The following SLC25A13 variants were observed in gnomAD, a reference collection of about 807,000 sequenced individuals.
The protein encoded by SLC25A13 is electrogenic aspartate/glutamate antiporter SLC25A13, mitochondrial.
Under a neutral mutation model 85.5 loss-of-function variants are expected in SLC25A13, and 70 were observed. That is an observed-to-expected ratio of 0.82 (90% CI 0.68 to 1.00). SLC25A13 has a LOEUF of 1.00. Among genes scored for constraint, SLC25A13 ranks in the 50% least tolerant of loss-of-function variants. The pLI is 0.00. For synonymous variants in SLC25A13, 259 were observed against 288.7 expected, an observed-to-expected ratio of 0.90 and a Z score of 1.04; for missense variants, 765 against 819.8, an observed-to-expected ratio of 0.93 and a Z score of 0.82.
At chr7:96,273,533 C>T (rs191866365) in intron 3 of SLC25A13, among the ~76,000 whole-genome samples, 1 of 152,228 alleles carries the variant, frequency 6.6e-6, no homozygotes, top group Non-Finnish European at 1.5e-5. Flanking sequence ...AAGATAAATG[C>T]TGAAATATTG....
intron 5 of SLC25A13, among the ~76,000 whole-genome samples, chr7:96,197,383 G>C (rs1399760741): frequency 6.6e-6 from 1 of 152,138 alleles, no homozygotes; most frequent in African/African-American, 2.4e-5. Context: ...CCAAGGAGGA[G>C]AGAAACCAAA....
At chr7:96,161,532 T>C (rs207468307) in intron 13 of SLC25A13, among the ~76,000 whole-genome samples, 4 of 152,226 alleles carry the variant, frequency 2.6e-5, no homozygotes, top group Non-Finnish European at 5.9e-5. Flanking sequence ...GACACAATGC[T>C]AGACACACAG....
At chr7:96,158,104 T>C (rs1482969355) in intron 13 of SLC25A13, among the ~76,000 whole-genome samples, 1 of 152,208 alleles carries the variant, frequency 6.6e-6, no homozygotes, top group African/African-American at 2.4e-5. Flanking sequence ...CAGTTCATAT[T>C]TCCCCATGAT....
chr7:96,270,074 A>G (rs540881155), intron 3 of SLC25A13, among the ~76,000 whole-genome samples: 1 of 152,356 alleles, frequency 6.6e-6, no homozygotes, highest in East Asian at 1.9e-4. Context: ...ACTATACTTA[A>G]TAATCATATA....
chr7:96,281,316 G>A (rs560128837), intron 2 of SLC25A13, among the ~76,000 whole-genome samples: 4 of 151,276 alleles, frequency 2.6e-5, no homozygotes, highest in African/African-American at 9.7e-5. Flanking sequence ...GCTTGAACCC[G>A]GGAGGCAGAA....
chr7:96,180,681 G>A (rs1794387346), intron 11 of SLC25A13, among the ~76,000 whole-genome samples: 1 of 152,206 alleles, frequency 6.6e-6, no homozygotes, highest in Admixed American at 6.5e-5. Context: ...ACATTTTCCA[G>A]TGTCTAAGGC....
At chr7:96,245,568 T>C (rs1240492983) in intron 3 of SLC25A13, among the ~76,000 whole-genome samples, 2 of 152,242 alleles carry the variant, frequency 1.3e-5, no homozygotes, top group Non-Finnish European at 2.9e-5. Flanking sequence ...CTTATTATAC[T>C]ACATTGTTCC....
At chr7:96,277,544 GT>G (rs1798506412) in intron 2 of SLC25A13, among the ~76,000 whole-genome samples, 1 of 152,090 alleles carries the variant, frequency 6.6e-6, no homozygotes, top group African/African-American at 2.4e-5. Flanking sequence ...TGGGAGCAAT[GT>G]TTTCCCACAG....
Position 96,121,907 on chromosome 7 carries a change from C to T in SLC25A13, c.1682G>A (p.Gly561Glu). 1 of 1,614,172 alleles carries T rather than the reference C, an allele frequency of 6.2e-7. No homozygotes were observed. Among genetic ancestry groups the T allele is most frequent in the Non-Finnish European group, 8.5e-7 (1 of 1,180,024 alleles). ...TATCTTTCTAAAGCAGTCTATCACT[C>T]CGCTGTAAGTGGTTTGGCCAGCCCG... is the stretch of plus-strand genomic sequence containing the variant. ...AARAGQTTYSGVIDCFRKILR... is the reference protein window; with the variant it reads ...AARAGQTTYSEVIDCFRKILR... Residue 561 changes from glycine to glutamate, a missense_variant, in exon 16 of 18, where the codon GGA becomes GAA. Coordinates refer to ENST00000265631, the MANE Select transcript of SLC25A13 (RefSeq NM_014251.3).
intron 1 of SLC25A13, among the ~76,000 whole-genome samples, chr7:96,319,640 T>C (rs1007339169): frequency 6.6e-6 from 1 of 151,778 alleles, no homozygotes; most frequent in Non-Finnish European, 1.5e-5. Context: ...TTGCTTTGGC[T>C]GGGAGAAAAT....
intron 3 of SLC25A13, among the ~76,000 whole-genome samples, chr7:96,271,778 T>C (rs1798247487): frequency 6.6e-6 from 1 of 152,090 alleles, no homozygotes; most frequent in African/African-American, 2.4e-5. Flanking sequence ...GGATATTATA[T>C]GTTTAAAAAA....
At chr7:96,279,352 C>T (rs899798263) in intron 2 of SLC25A13, among the ~76,000 whole-genome samples, 1 of 152,116 alleles carries the variant, frequency 6.6e-6, no homozygotes, top group Admixed American at 6.6e-5. Context: ...TCTGTTCTTA[C>T]ACTGCTAATA....
At chr7:96,197,823 C>A (rs1248544275) in intron 5 of SLC25A13, among the ~76,000 whole-genome samples, 2 of 152,108 alleles carry the variant, frequency 1.3e-5, no homozygotes, top group Admixed American at 1.3e-4. Flanking sequence ...GGGCAGTAAT[C>A]ATTACATTCA....
At chr7:96,139,523 C>T (rs79505374) in intron 14 of SLC25A13, among the ~76,000 whole-genome samples, 4,413 of 151,990 alleles carry the variant, frequency 0.029, 161 homozygotes, top group African/African-American at 0.083. Flanking sequence ...TACTTGATAC[C>T]CTCTCCTTAA....
intron 4 of SLC25A13, among the ~76,000 whole-genome samples, chr7:96,233,841 A>C (rs1796646618): frequency 6.6e-6 from 1 of 152,184 alleles, no homozygotes; most frequent in Admixed American, 6.5e-5. Flanking sequence ...ATGAATTAGA[A>C]ACTATGAATA....
chr7:96,218,792 A>C (rs372519343), intron 4 of SLC25A13, among the ~76,000 whole-genome samples: 4 of 152,304 alleles, frequency 2.6e-5, no homozygotes, highest in African/African-American at 9.6e-5. Context: ...TTGGAGGCAA[A>C]GAGAGGACTG....
chr7:96,128,157 T>C (rs1791808205), intron 15 of SLC25A13, among the ~76,000 whole-genome samples: 1 of 152,226 alleles, frequency 6.6e-6, no homozygotes, highest in African/African-American at 2.4e-5. Flanking sequence ...TTATGTTTAT[T>C]TTATAACAAA....
chr7:96,299,716 T>C (rs1799483757), intron 1 of SLC25A13, among the ~76,000 whole-genome samples: 1 of 152,152 alleles, frequency 6.6e-6, no homozygotes, highest in Non-Finnish European at 1.5e-5. Flanking sequence ...TTCTGAAAAA[T>C]GCATTGTTAA....
chr7:96,260,249 G>T (rs1332262257), intron 3 of SLC25A13, among the ~76,000 whole-genome samples: 1 of 151,890 alleles, frequency 6.6e-6, no homozygotes. Context: ...CTGATTCCAG[G>T]TTCAGGGCAG....
Sources: allele counts gnomAD v4.1 joint callset (sites outside exome capture counted in the v4.1 genomes callset), GRCh38; gene constraint gnomAD v4.1.1; transcripts MANE v1.5; gene names NCBI Gene and HGNC (gene_info 2026-07-23, HGNC 2026-07-21).